The following CEP120 variants were observed in gnomAD, a reference collection of about 807,000 sequenced individuals.
CEP120 encodes centrosomal protein of 120 kDa.
Under a neutral mutation model 126.5 loss-of-function variants are expected in CEP120, and 113 were observed. That is an observed-to-expected ratio of 0.89 (90% confidence interval 0.77 to 1.04). The LOEUF is 1.04. Among genes scored for constraint, CEP120 ranks in the 50% least tolerant of loss-of-function variants. The pLI is 0.00. For synonymous variants in CEP120, 400 were observed against 394.3 expected, an observed-to-expected ratio of 1.01 and a Z score of -0.17; for missense variants, 1,230 against 1,155.7, an observed-to-expected ratio of 1.06 and a Z score of -0.93.
chr5:123,411,678 G>T (rs1774066020), intron 4 of CEP120, among the ~76,000 whole-genome samples: 1 of 152,236 alleles, frequency 6.6e-6, no homozygotes, highest in Admixed American at 6.5e-5. Flanking sequence ...TAGCTGCCAA[G>T]GGGATGGGAG....
In CEP120 at chr5:123,423,068, C is replaced by CCGGGACCCCCGG. The variant is rs544733647; in HGVS notation, c.-82_-71dup. The CCGGGACCCCCGG allele has an allele frequency of 1.9e-4, 254 of 1,363,696 alleles. No homozygotes were observed. The highest frequency in any genetic ancestry group is 1.8e-3 in the African/African-American group (123 of 70,102). 84.5% of individuals were successfully genotyped at this position (1,363,696 alleles called of 1,614,324 possible). A position where few individuals can be genotyped will look rare whatever the true frequency, so the allele number is the denominator to read the frequency against. Reference sequence around the variant, plus strand: ...GAGGTCCAGTTGAGTCGCGGGTAATCCGGGACCCCCGGCGGGACCCCCACT... The same window carrying CCGGGACCCCCGG: ...GAGGTCCAGTTGAGTCGCGGGTAATCCGGGACCCCCGGCGGGACCCCCGGCGGGACCCCCACT... On this transcript the variant is annotated 5_prime_UTR_variant, in exon 1 of 20. Transcript: ENST00000306467.
chr5:123,419,559 A>G (rs565446772), intron 1 of CEP120, among the ~76,000 whole-genome samples: 1 of 143,416 alleles, frequency 7.0e-6, no homozygotes, highest in Non-Finnish European at 1.5e-5. Context: ...AAAACAAAAA[A>G]AAAAAAACAG....
chr5:123,401,354 A>T, intron 4 of CEP120: 2 of 1,586,392 alleles, frequency 1.3e-6, no homozygotes, highest in Non-Finnish European at 1.7e-6. Context: ...GGCCTCCAGG[A>T]AAGCCCTCTG....
chr5:123,423,660 C>G (rs556033588), upstream of CEP120: 2 of 152,238 alleles, frequency 1.3e-5, no homozygotes, highest in African/African-American at 4.8e-5. Context: ...ATGCTTCAGC[C>G]ACAACCTGAG....
intron 2 of CEP120, among the ~76,000 whole-genome samples, chr5:123,417,131 C>G (rs1774435910): frequency 6.6e-6 from 1 of 152,060 alleles, no homozygotes; most frequent in South Asian, 2.1e-4. Context: ...GTGGTACTAA[C>G]CTGGCACTAA....
In CEP120 at chr5:123,401,310, C is replaced by T. The variant is rs1244573933; in HGVS notation, c.464-2026G>A. Reference sequence around the variant, plus strand: ...AACTTGGCGTTAGCATCCTTAATGGCCAGCTCTCCACACTGCTCGGCATCT... The same window carrying T: ...AACTTGGCGTTAGCATCCTTAATGGTCAGCTCTCCACACTGCTCGGCATCT... On this transcript the variant is annotated intron_variant, in intron 4 of 19. Transcript: ENST00000306467. 5 of 1,605,790 alleles carry T rather than the reference C, an allele frequency of 3.1e-6. No homozygotes were observed. In the East Asian group the frequency reaches 6.7e-5, roughly 21 times the overall value.
intron 5 of CEP120, among the ~76,000 whole-genome samples, chr5:123,397,301 G>C (rs1435521945): frequency 2.0e-5 from 3 of 152,152 alleles, no homozygotes; most frequent in Non-Finnish European, 2.9e-5. Flanking sequence ...TCCAGCCTGG[G>C]TGACAAGAGC....
intron 19 of CEP120, among the ~76,000 whole-genome samples, chr5:123,349,071 C>T (rs62376378): frequency 0.17 from 25,416 of 151,948 alleles, 2,603 homozygotes; most frequent in Non-Finnish European, 0.22. Context: ...CCAAAACCAC[C>T]CTCCAAAAAG....
chr5:123,419,126 C>T (rs1229615429), intron 1 of CEP120, among the ~76,000 whole-genome samples: 2 of 152,140 alleles, frequency 1.3e-5, no homozygotes, highest in African/African-American at 2.4e-5. Context: ...CCTAAGATTC[C>T]GCATTTCTAA....
chr5:123,367,663 C>T (rs1408937507), intron 17 of CEP120, among the ~76,000 whole-genome samples: 4 of 151,836 alleles, frequency 2.6e-5, no homozygotes, highest in Non-Finnish European at 4.4e-5. Flanking sequence ...AGTGGAAACA[C>T]CTCTGATCCC....
At chr5:123,404,491 A>G (rs980793249) in intron 4 of CEP120, among the ~76,000 whole-genome samples, 5 of 152,182 alleles carry the variant, frequency 3.3e-5, no homozygotes, top group African/African-American at 1.2e-4. Context: ...AATAAATAGT[A>G]TTGCATTGGA....
rs774792798 is a variant in CEP120, at chr5:123,391,450, G to T, written c.811-113C>A. 1.3e-5 allele frequency: 10 copies of T among 743,642 alleles called. No individual in the cohort carries two copies. In the African/African-American group the frequency reaches 1.4e-4, roughly 11 times the overall value. The allele number at this position is 743,642 out of a possible 1,614,324, so 46.1% of individuals were successfully genotyped here. A position where few individuals can be genotyped will look rare whatever the true frequency, so the allele number is the denominator to read the frequency against. The stretch of plus-strand genomic sequence containing the variant: ...ATGCATGGAAAGAAAATATTATGCA[G>T]GTTATACCTCATTGACCTCAAGTGA... On this transcript the variant is annotated intron_variant, in intron 6 of 19. Transcript: ENST00000306467.
chr5:123,389,855 A>T, intron 8 of CEP120, 69 bp downstream of exon 8: 1 of 1,356,710 alleles, frequency 7.4e-7, no homozygotes, highest in Non-Finnish European at 1.0e-6. Context: ...AAGTTCTCAT[A>T]GTCATTTTTT....
Position 123,378,440 on chromosome 5 carries a change from T to TAA in CEP120, c.2104-14_2104-13dup, listed in dbSNP as rs76942218. The TAA allele has an allele frequency of 1.7e-3, 1,840 of 1,062,258 alleles. 2 individuals are homozygous for TAA. Among genetic ancestry groups the TAA allele is most frequent in the African/African-American group, 0.011 (541 of 49,316 alleles). 65.8% of individuals were successfully genotyped at this position (1,062,258 alleles called of 1,614,324 possible). A position where few individuals can be genotyped will look rare whatever the true frequency, so the allele number is the denominator to read the frequency against. ...GTATATTCAGCCACCTAAAATATAG[T>TAA]AAAAAAAAAAAAAAAAAAGTTACCT... On this transcript the variant is annotated splice_polypyrimidine_tract_variant and intron_variant, in intron 14 of 19. Transcript: ENST00000306467.
intron 18 of CEP120, 52 bp downstream of exon 18, chr5:123,364,444 G>T: frequency 8.2e-7 from 1 of 1,214,002 alleles, no homozygotes; most frequent in Non-Finnish European, 1.2e-6. Context: ...ATACGAATTT[G>T]CAAAGAAACA....
chr5:123,405,411 T>C (rs1180281214), intron 4 of CEP120, among the ~76,000 whole-genome samples: 1 of 152,248 alleles, frequency 6.6e-6, no homozygotes, highest in East Asian at 1.9e-4. Context: ...GAAACCATTC[T>C]GAAACATGCC....
At chr5:123,402,133 T>G in intron 4 of CEP120, 1 of 1,583,364 alleles carries the variant, frequency 6.3e-7, no homozygotes, top group South Asian at 1.1e-5. Context: ...CTCAGCAGGC[T>G]CTGGTTGACT....
intron 3 of CEP120, among the ~76,000 whole-genome samples, chr5:123,415,393 A>C (rs534047861): frequency 6.6e-6 from 1 of 152,352 alleles, no homozygotes; most frequent in Non-Finnish European, 1.5e-5. Flanking sequence ...CTGAAGCAGG[A>C]AACATTAGAA....
In CEP120 at chr5:123,423,371, A is replaced by C. The variant is rs1774855478; in HGVS notation, c.-373T>G. On this transcript the variant is annotated 5_prime_UTR_variant, in exon 1 of 20. Coordinates refer to ENST00000306467, the MANE Select transcript of CEP120 (RefSeq NM_001375405.1). ...GCTTCCGCCTAGCAACCAGGCCCGC[A>C]GGCCCAGTGCCCAGGGGAGGTTGGA... 1 of 319,790 alleles carries C rather than the reference A, an allele frequency of 3.1e-6. No individual in the cohort carries two copies. The highest frequency in any genetic ancestry group is 3.3e-5 in the South Asian group (1 of 30,454). The allele number at this position is 319,790 out of a possible 1,614,324, so 19.8% of individuals were successfully genotyped here. A position where few individuals can be genotyped will look rare whatever the true frequency, so the allele number is the denominator to read the frequency against.
Sources: allele counts gnomAD v4.1 joint callset (sites outside exome capture counted in the v4.1 genomes callset), GRCh38; gene constraint gnomAD v4.1.1; transcripts MANE v1.5; gene names NCBI Gene and HGNC (gene_info 2026-07-23, HGNC 2026-07-21).